PRKX: variants seen among roughly 807,000 people sequenced by gnomAD.
PRKX encodes cAMP-dependent protein kinase catalytic subunit PRKX.
Under a neutral mutation model 22.0 loss-of-function variants are expected in PRKX, and 12 were observed. That is an observed-to-expected ratio of 0.54 (90% CI 0.35 to 0.88). The LOEUF (loss-of-function observed/expected upper bound fraction) is 0.88, where lower values mean the gene tolerates loss of function less well. Ranked by LOEUF, PRKX falls within the 40% of genes least tolerant of loss-of-function variation. PRKX has a pLI of 0.01. For missense variants in PRKX, 217 were observed against 308.0 expected (o/e 0.70, Z 2.21); for synonymous variants, 134 against 137.7 (o/e 0.97, Z 0.19).
chrX:3,713,549 G>C lies in PRKX; in HGVS notation c.-296C>G, dbSNP rs1481543331. On this transcript the variant is annotated 5_prime_UTR_variant, in exon 1 of 9. Transcript: ENST00000262848. ...AGGCGGGGGCCGCGGCCCGGGCTGG[G>C]GGGGGCGAGGCGGGGGCCCTGCGCA... 5 of 193,254 alleles carry C rather than the reference G, an allele frequency of 2.6e-5. No individual in the cohort carries two copies. The highest frequency in any genetic ancestry group is 1.8e-4 in the East Asian group (2 of 11,038). The allele number at this position is 193,254 out of a possible 1,213,427, so 15.9% of individuals were successfully genotyped here.
chrX:3,652,417 CA>C (rs75373565), intron 3 of PRKX, among the ~76,000 whole-genome samples: 163 of 81,418 alleles, frequency 2.0e-3, no homozygotes, highest in African/African-American at 2.5e-3. Context: ...GACTCCATCT[CA>C]AAAAAAAAAA....
At chrX:3,701,321 G>T (rs1248130504) in intron 1 of PRKX, among the ~76,000 whole-genome samples, 1 of 111,687 alleles carries the variant, frequency 9.0e-6, no homozygotes, top group Admixed American at 9.6e-5. Flanking sequence ...GTCCAGGCTA[G>T]TCTAGAACTG....
At chrX:3,704,695 C>T (rs774970737) in intron 1 of PRKX, among the ~76,000 whole-genome samples, 1 of 111,344 alleles carries the variant, frequency 9.0e-6, no homozygotes, top group South Asian at 3.8e-4. Flanking sequence ...CCGTATTTGT[C>T]TCTCTGTGCC....
intron 1 of PRKX, among the ~76,000 whole-genome samples, chrX:3,678,144 G>C (rs1472363932): frequency 1.8e-5 from 2 of 111,785 alleles, no homozygotes; most frequent in Non-Finnish European, 3.8e-5. Context: ...TCCAACCCAA[G>C]CTTATCCTGC....
intron 1 of PRKX, among the ~76,000 whole-genome samples, chrX:3,692,749 A>G (rs181507597): frequency 8.1e-5 from 9 of 110,611 alleles, no homozygotes; most frequent in African/African-American, 2.6e-4. Context: ...GGATGGTCTC[A>G]ATCTCCTGAC....
chrX:3,705,144 C>T (rs7881331), intron 1 of PRKX, among the ~76,000 whole-genome samples: 1,939 of 111,526 alleles, frequency 0.017, 37 homozygotes, highest in African/African-American at 0.055. Flanking sequence ...AGACATTTAC[C>T]GCTGTCAGTC....
Position 3,671,994 on chromosome X carries a change from T to C in PRKX, c.335+2604A>G, listed in dbSNP as rs1927856533. On this transcript the variant is annotated intron_variant, in intron 2 of 8. Coordinates refer to ENST00000262848, the MANE Select transcript of PRKX (RefSeq NM_005044.5). The stretch of plus-strand genomic sequence containing the variant: ...AAAAACATTATCTTCACCAAAGAGG[T>C]TGTGAAAAATATATACATATGTTTT... 2.7e-5 allele frequency among the ~76,000 whole-genome samples: 3 copies of C among 111,097 alleles called. No homozygotes were observed. In the Admixed American group the frequency reaches 2.9e-4, roughly 11 times the overall value.
chrX:3,638,353 T>C (rs1926939179), intron 4 of PRKX, among the ~76,000 whole-genome samples: 1 of 111,694 alleles, frequency 9.0e-6, no homozygotes, highest in Admixed American at 9.6e-5. Context: ...GTATATTGTA[T>C]TCTAATAATA....
intron 4 of PRKX, among the ~76,000 whole-genome samples, chrX:3,630,437 G>GT (rs1926752595): frequency 9.0e-6 from 1 of 111,486 alleles, no homozygotes; most frequent in Non-Finnish European, 1.9e-5. Flanking sequence ...GCGGGCGCCT[G>GT]TAATCCCAGC....
intron 2 of PRKX, among the ~76,000 whole-genome samples, chrX:3,672,187 C>T (rs1356200559): frequency 1.8e-5 from 2 of 110,088 alleles, no homozygotes; most frequent in African/African-American, 6.6e-5. Flanking sequence ...AGAGCAAAAC[C>T]CGTCTCTAAA....
At chrX:3,623,405 C>G (rs1374755786) in intron 5 of PRKX, among the ~76,000 whole-genome samples, 66 of 109,780 alleles carry the variant, frequency 6.0e-4, no homozygotes, top group Non-Finnish European at 1.3e-4. Context: ...AATATCAAAA[C>G]ATTGGCCAGG....
intron 7 of PRKX, among the ~76,000 whole-genome samples, chrX:3,614,655 A>G (rs1259535493): frequency 9.0e-6 from 1 of 111,473 alleles, no homozygotes; most frequent in African/African-American, 3.3e-5. Context: ...AGGGGAGATG[A>G]AGAAATATTG....
rs1408117890 is a variant in PRKX at position 3,642,083 on chromosome X, G to A, written c.600-112C>T. 1.4e-4 allele frequency: 132 copies of A among 925,898 alleles called. 2 individuals carry two copies. In the Admixed American group the frequency reaches 3.7e-3, roughly 26 times the overall value. The allele number at this position is 925,898 out of a possible 1,213,427, so 76.3% of individuals were successfully genotyped here. On this transcript the variant is annotated intron_variant, in intron 3 of 8. Transcript: ENST00000262848. Reference sequence around the variant, plus strand: ...ACTTCGTTGAGTAAAACCACGCTCCGTTTACCCTCCTGTGCACATATTTTA... The same window carrying A: ...ACTTCGTTGAGTAAAACCACGCTCCATTTACCCTCCTGTGCACATATTTTA...
chrX:3,667,777 C>T (rs1409238713), intron 2 of PRKX, among the ~76,000 whole-genome samples: 2 of 110,673 alleles, frequency 1.8e-5, no homozygotes, highest in Non-Finnish European at 3.8e-5. Context: ...TTCCTGTGTC[C>T]ACCTCCTGGC....
At chrX:3,643,028 AAAG>A (rs1243454716) in intron 3 of PRKX, among the ~76,000 whole-genome samples, 17 of 105,541 alleles carry the variant, frequency 1.6e-4, no homozygotes, top group African/African-American at 5.9e-4. Flanking sequence ...AAAAAAAAAA[AAAG>A]GTGCAAGAGC....
At chrX:3,665,166 G>A (rs1476826745) in intron 2 of PRKX, among the ~76,000 whole-genome samples, 5 of 111,834 alleles carry the variant, frequency 4.5e-5, no homozygotes. Context: ...GCTTGTGTGT[G>A]TGCGTGCTTG....
chrX:3,658,442 C>T (rs1047806049), intron 2 of PRKX, among the ~76,000 whole-genome samples: 1 of 110,931 alleles, frequency 9.0e-6, no homozygotes, highest in African/African-American at 3.3e-5. Flanking sequence ...GCCACCATGC[C>T]TGGCTAATTT....
intron 2 of PRKX, among the ~76,000 whole-genome samples, chrX:3,662,075 A>G (rs1427335114): frequency 1.8e-5 from 2 of 111,883 alleles, no homozygotes; most frequent in African/African-American, 6.5e-5. Context: ...TTCTCGGTAC[A>G]TAGTATCAGG....
intron 1 of PRKX, among the ~76,000 whole-genome samples, chrX:3,712,565 C>T (rs1374029731): frequency 8.9e-6 from 1 of 112,517 alleles, no homozygotes; most frequent in Non-Finnish European, 1.9e-5. Flanking sequence ...CCGTCCTCGT[C>T]CCCACAGCGC....
Sources: gnomAD v4.1 joint callset for allele counts (sites outside exome capture counted in the v4.1 genomes callset) on GRCh38, gnomAD v4.1.1 for gene constraint, MANE v1.5 for transcripts, NCBI Gene and HGNC (gene_info 2026-07-23, HGNC 2026-07-21) for gene names.